The following LMF1 variants were observed in gnomAD, a reference collection of about 807,000 sequenced individuals.
LMF1 encodes the protein transmembrane protein 112.
LMF1 carries 68 observed loss-of-function variants against 60.6 expected under a neutral mutation model. That is an observed-to-expected ratio of 1.12 (90% CI 0.92 to 1.37). The LOEUF is 1.37. LMF1 is among the 40% of genes most tolerant of loss of function. LMF1 has a pLI of 0.00. For missense variants in LMF1, 948 were observed against 767.2 expected, an observed-to-expected ratio of 1.24 and a Z score of -2.78; for synonymous variants, 418 against 324.7, an observed-to-expected ratio of 1.29 and a Z score of -3.09.
In LMF1 at chr16:871,288, C is replaced by T. The variant is rs762349206; in HGVS notation, c.951G>A (p.Val317=). ...CGTCATCAAAGCAGGCCAGGCTGGG[C>T]ACCATAGTCAGCCAGTTCAGGAAGC... ...NLSFLNWLTM[V]PSLACFDDAT... Residue 317 remains valine (V), a synonymous_variant, in exon 7 of 11, where the codon GTG becomes GTA. Transcript: ENST00000262301. 1.1e-5 allele frequency: 17 copies of T among 1,612,560 alleles called. No homozygotes were observed. The highest frequency in any genetic ancestry group is 4.5e-5 in the East Asian group (2 of 44,876).
At chr16:979,504 G>GT (rs1555484492) in intron 1 of LMF1, 1 of 382,428 alleles carries the variant, frequency 2.6e-6, no homozygotes, top group Non-Finnish European at 5.3e-6. Context: ...CTGAGGCAGG[G>GT]TCTCAGTTGC....
At chr16:911,963 C>T (rs1347117308) in intron 3 of LMF1, among the ~76,000 whole-genome samples, 1 of 152,160 alleles carries the variant, frequency 6.6e-6, no homozygotes, top group East Asian at 1.9e-4. Context: ...ATGCGGGTCG[C>T]CATTCCAGTG....
At chr16:923,875 T>C (rs183549103) in intron 3 of LMF1, among the ~76,000 whole-genome samples, 131 of 152,330 alleles carry the variant, frequency 8.6e-4, no homozygotes, top group African/African-American at 3.0e-3. Flanking sequence ...TTGTCCAATG[T>C]GTTTGATTCT....
At chr16:865,442 C>A (rs1157457784) in intron 10 of LMF1, among the ~76,000 whole-genome samples, 1 of 151,480 alleles carries the variant, frequency 6.6e-6, no homozygotes, top group African/African-American at 2.4e-5. Context: ...CCTCTGCCTC[C>A]CAGGTTCAAG....
chr16:948,273 CAGCCAACGACAGAGTCAG>C (rs1208986325), intron 2 of LMF1, among the ~76,000 whole-genome samples: 5 of 149,944 alleles, frequency 3.3e-5, no homozygotes, highest in African/African-American at 1.2e-4. Context: ...ACGACAGAGT[CAGCCAACGACAGAGTCAG>C]AGCCAACGAC....
Position 970,869 on chromosome 16 carries a change from C to G in LMF1, c.112G>C (p.Ala38Pro). Residue 38 changes from alanine (A) to proline (P), a missense_variant, in exon 1 of 11, where the codon GCA becomes CCA. Coordinates refer to ENST00000262301, the MANE Select transcript of LMF1 (RefSeq NM_022773.4). ...ESPPAPGRGP[A>P]GSPAHLHTGT... ...GTGTGGAGATGGGCCGGAGAGCCTG[C>G]GGGGCCACGCCCCGGCGCGGGCGGC... 2.6e-6 allele frequency: 4 copies of G among 1,565,288 alleles called. No individual in the cohort carries two copies. The highest frequency in any genetic ancestry group is 3.5e-6 in the Non-Finnish European group (4 of 1,157,454).
chr16:886,024 A>C (rs1014466345), intron 5 of LMF1, among the ~76,000 whole-genome samples: 12 of 152,264 alleles, frequency 7.9e-5, no homozygotes, highest in African/African-American at 2.9e-4. Context: ...AAGGAATTAA[A>C]TTAGAAACCA....
chr16:902,531 G>A (rs2070842950), intron 4 of LMF1: 1 of 158,358 alleles, frequency 6.3e-6, no homozygotes, highest in Admixed American at 6.3e-5. Context: ...TTTTCATCCG[G>A]TGCTCAACCC....
chr16:894,691 G>A lies in LMF1; in HGVS notation c.664-1619C>T, dbSNP rs940771672. Among the ~76,000 whole-genome samples the A allele has an allele frequency of 3.1e-4, 47 of 152,346 alleles. 1 individual carries two copies. The highest frequency in any genetic ancestry group is 9.9e-4 in the African/African-American group (41 of 41,580). On this transcript the variant is annotated intron_variant, in intron 4 of 10. Coordinates refer to ENST00000262301, the MANE Select transcript of LMF1 (RefSeq NM_022773.4). ...TAGCATGGTGGGCTCTGGGGCAGCC[G>A]CACTGGGCTGCAGGTAGCGCTGTCT...
At chr16:948,197 G>A (rs71382297) in intron 2 of LMF1, among the ~76,000 whole-genome samples, 41,575 of 135,282 alleles carry the variant, frequency 0.31, 9,277 homozygotes, top group African/African-American at 0.57. Context: ...CAGAGACAAC[G>A]ACAGAGTCAG....
chr16:970,755 C>T lies in LMF1; in HGVS notation c.193+33G>A, dbSNP rs1161390074. Reference sequence around the variant, plus strand: ...GGGGTCGTGGTGCGCGGAGGTGACACTGGCGGATGTCCCGGGCCCGCCCGG... The same window carrying T: ...GGGGTCGTGGTGCGCGGAGGTGACATTGGCGGATGTCCCGGGCCCGCCCGG... On this transcript the variant is annotated intron_variant, in intron 1 of 10. Transcript: ENST00000262301. 59 of 1,500,358 alleles carry T rather than the reference C, an allele frequency of 3.9e-5. 1 individual carries two copies. The highest frequency in any genetic ancestry group is 5.2e-5 in the Non-Finnish European group (58 of 1,116,834). 92.9% of individuals were successfully genotyped at this position (1,500,358 alleles called of 1,614,324 possible). A position where few individuals can be genotyped will look rare whatever the true frequency, so the allele number is the denominator to read the frequency against.
chr16:933,711 C>G (rs1430896037), intron 3 of LMF1: 3 of 311,570 alleles, frequency 9.6e-6, no homozygotes, highest in Non-Finnish European at 1.9e-5. Flanking sequence ...CTGGAGGCCT[C>G]CGGGCCCAAT....
chr16:929,936 A>G (rs1177970858), intron 3 of LMF1, among the ~76,000 whole-genome samples: 1 of 148,838 alleles, frequency 6.7e-6, no homozygotes, highest in Non-Finnish European at 1.5e-5. Flanking sequence ...CCTGGGACAC[A>G]GAGCCCAGGA....
In LMF1 at chr16:878,664, C is replaced by T. The variant is rs975083179; in HGVS notation, c.897+906G>A. ...GGCGCCCCCACGTGCACCAACGTGGCGTGGCACCCGTGCCTGCTGACGGAG... is the reference window on the plus strand; with the variant it reads ...GGCGCCCCCACGTGCACCAACGTGGTGTGGCACCCGTGCCTGCTGACGGAG... On this transcript the variant is annotated intron_variant, in intron 6 of 10. Transcript: ENST00000262301. This position sits in a 1 kb window ranked among gnomAD's most constrained non-coding sequence, Gnocchi z 5.2. Among the ~76,000 whole-genome samples the T allele has an allele frequency of 4.1e-5, 6 of 146,430 alleles. No individual in the cohort carries two copies. Among genetic ancestry groups the T allele is most frequent in the East Asian group, 2.2e-4 (1 of 4,596 alleles).
Position 930,710 on chromosome 16 carries a change from A to G in LMF1, c.514+3534T>C, listed in dbSNP as rs567645719. Among the ~76,000 whole-genome samples, 7 of 152,338 alleles carry G rather than the reference A, an allele frequency of 4.6e-5. No homozygotes were observed. In the East Asian group the frequency reaches 1.3e-3, roughly 29 times the overall value. On this transcript the variant is annotated intron_variant, in intron 3 of 10. Coordinates refer to ENST00000262301, the MANE Select transcript of LMF1 (RefSeq NM_022773.4). ...GGCGGGTCCCGCTCACACCCACAGCATTGTGAGAGCATGTCCCGGGGAGCC... is the reference window on the plus strand; with the variant it reads ...GGCGGGTCCCGCTCACACCCACAGCGTTGTGAGAGCATGTCCCGGGGAGCC...
At chr16:870,121 G>A (rs1431656448) in intron 8 of LMF1, 55 bp from the exon 9 acceptor site, 1 of 1,554,364 alleles carries the variant, frequency 6.4e-7, no homozygotes. Context: ...TGGGCCGAGT[G>A]GGGTGCATGG....
At chr16:970,034 C>T (rs533364653) in intron 1 of LMF1, among the ~76,000 whole-genome samples, 10 of 152,312 alleles carry the variant, frequency 6.6e-5, no homozygotes, top group African/African-American at 2.4e-4. Context: ...GAAGGGTCTC[C>T]GCCAGTGGAC....
chr16:890,323 GT>G (rs1567190712), intron 5 of LMF1, among the ~76,000 whole-genome samples: 1 of 152,202 alleles, frequency 6.6e-6, no homozygotes, highest in Non-Finnish European at 1.5e-5. Context: ...CCTGGGCCCC[GT>G]CCCAACTCAG....
chr16:945,311 GC>G (rs1251421230), intron 2 of LMF1, among the ~76,000 whole-genome samples: 1 of 151,568 alleles, frequency 6.6e-6, no homozygotes, highest in Non-Finnish European at 1.5e-5. Context: ...TGAACTTTGA[GC>G]CCAGGAGTTC....
Sources: allele counts gnomAD v4.1 joint callset (sites outside exome capture counted in the v4.1 genomes callset), GRCh38; gene constraint gnomAD v4.1.1; non-coding constraint Gnocchi (gnomAD v3.1); transcripts MANE v1.5; gene names NCBI Gene and HGNC (gene_info 2026-07-23, HGNC 2026-07-21).